AGBL1: variants seen among roughly 807,000 people sequenced by gnomAD.
AGBL1 encodes cytosolic carboxypeptidase 4.
AGBL1 carries 130 observed loss-of-function variants against 118.9 expected under a neutral mutation model. That is an observed-to-expected ratio of 1.09 (90% CI 0.95 to 1.26). AGBL1 has a LOEUF of 1.26. Among genes scored for constraint, AGBL1 ranks in the 50% most tolerant of loss-of-function variants. The pLI is 0.00. For missense variants in AGBL1, 1,584 were observed against 1,298.1 expected, an observed-to-expected ratio of 1.22 and a Z score of -3.38; for synonymous variants, 555 against 478.9, an observed-to-expected ratio of 1.16 and a Z score of -2.08.
intron 21 of AGBL1, among the ~76,000 whole-genome samples, chr15:86,562,641 G>A (rs1401035699): frequency 5.3e-5 from 8 of 152,128 alleles, no homozygotes; most frequent in South Asian, 4.1e-4. Context: ...TTGGTAGCAG[G>A]ATGATGCTGG....
chr15:86,327,964 A>G (rs970605263), intron 17 of AGBL1, among the ~76,000 whole-genome samples: 1 of 152,228 alleles, frequency 6.6e-6, no homozygotes, highest in Non-Finnish European at 1.5e-5. Flanking sequence ...TCCTGGCTTC[A>G]TAGTTATGTG....
At chr15:86,288,680 T>TA (rs1413680887) in intron 16 of AGBL1, among the ~76,000 whole-genome samples, 1 of 152,114 alleles carries the variant, frequency 6.6e-6, no homozygotes, top group African/African-American at 2.4e-5. Flanking sequence ...GAGAAAAAAT[T>TA]AAAAAATATT....
chr15:86,542,213 A>C (rs1395926084), intron 19 of AGBL1, among the ~76,000 whole-genome samples: 1 of 152,194 alleles, frequency 6.6e-6, no homozygotes, highest in Non-Finnish European at 1.5e-5. Flanking sequence ...AGAAATGTAT[A>C]CTGAGTTTAT....
chr15:86,633,490 C>T (rs1196104157), intron 21 of AGBL1, among the ~76,000 whole-genome samples: 2 of 152,030 alleles, frequency 1.3e-5, no homozygotes, highest in African/African-American at 2.4e-5. Flanking sequence ...ACTTAGAATG[C>T]TACATATATA....
chr15:86,517,503 A>T (rs1335933280), intron 18 of AGBL1, among the ~76,000 whole-genome samples: 1 of 152,230 alleles, frequency 6.6e-6, no homozygotes, highest in Non-Finnish European at 1.5e-5. Context: ...TTTCACAAAG[A>T]TGACATTTGA....
chr15:86,139,104 G>A (rs2076927386), intron 1 of AGBL1, among the ~76,000 whole-genome samples: 1 of 152,180 alleles, frequency 6.6e-6, no homozygotes, highest in South Asian at 2.1e-4. Flanking sequence ...TTCAGAGAAT[G>A]ATATCATCTA....
chr15:86,627,774 G>A (rs547312402), intron 21 of AGBL1, among the ~76,000 whole-genome samples: 7 of 152,328 alleles, frequency 4.6e-5, no homozygotes, highest in African/African-American at 1.7e-4. Flanking sequence ...AGCAGGGTCA[G>A]TAGTGGCAGG....
chr15:86,490,515 T>C (rs2082765310), intron 18 of AGBL1, among the ~76,000 whole-genome samples: 1 of 152,150 alleles, frequency 6.6e-6, no homozygotes, highest in South Asian at 2.1e-4. Context: ...TGGATGCTTA[T>C]TTACTTTGAT....
At chr15:86,421,258 T>C (rs2081785789) in intron 18 of AGBL1, among the ~76,000 whole-genome samples, 1 of 152,114 alleles carries the variant, frequency 6.6e-6, no homozygotes, top group African/African-American at 2.4e-5. Flanking sequence ...GATAACAGCA[T>C]ATCTCTCTAT....
intron 5 of AGBL1, among the ~76,000 whole-genome samples, chr15:86,182,815 C>A (rs918319588): frequency 1.3e-5 from 2 of 152,062 alleles, no homozygotes; most frequent in Admixed American, 6.5e-5. Context: ...ATAAAAGAAG[C>A]AAAAGGAAAC....
chr15:86,682,829 G>A (rs575237656), intron 22 of AGBL1, among the ~76,000 whole-genome samples: 1 of 152,096 alleles, frequency 6.6e-6, no homozygotes. Flanking sequence ...ACTAGATGCT[G>A]TGCTAAGCAT....
At chr15:86,338,500 G>C (rs1310857421) in intron 17 of AGBL1, among the ~76,000 whole-genome samples, 3 of 139,650 alleles carry the variant, frequency 2.1e-5, no homozygotes, top group Non-Finnish European at 4.6e-5. Context: ...AATTACTCTG[G>C]CTGTTATGAG....
intron 22 of AGBL1, among the ~76,000 whole-genome samples, chr15:86,899,918 A>C (rs935413452): frequency 5.3e-5 from 8 of 152,162 alleles, no homozygotes; most frequent in African/African-American, 1.2e-4. Flanking sequence ...ACCCACCCTC[A>C]ATCTGGGTGG....
chr15:86,461,791 C>G (rs1008750737), intron 18 of AGBL1, among the ~76,000 whole-genome samples: 1 of 151,942 alleles, frequency 6.6e-6, no homozygotes, highest in African/African-American at 2.4e-5. Context: ...TTTTCTTTCT[C>G]CTTCCCTTTG....
At chr15:86,194,940 C>A (rs912915692) in intron 5 of AGBL1, among the ~76,000 whole-genome samples, 3 of 152,206 alleles carry the variant, frequency 2.0e-5, no homozygotes, top group Non-Finnish European at 4.4e-5. Context: ...TACTGTCTGA[C>A]AAGTTCTCTT....
intron 2 of AGBL1, among the ~76,000 whole-genome samples, chr15:86,142,679 A>G (rs1391988047): frequency 6.6e-6 from 1 of 152,214 alleles, no homozygotes; most frequent in Non-Finnish European, 1.5e-5. Flanking sequence ...CCTCAGGATT[A>G]TGGTTTCAAG....
rs187594904 is a variant in AGBL1 at position 86,080,133 on chromosome 15, G to T, written c.51+110G>T. On this transcript the variant is annotated intron_variant, in intron 1 of 22. Coordinates refer to ENST00000614907, the MANE Select transcript of AGBL1 (RefSeq NM_001386094.1). Reference sequence around the variant, plus strand: ...CCTCTGGCAGTCACTGGCCCAGTTTGTTAACAGCAAGAGAACAGGAGTCGG... The same window carrying T: ...CCTCTGGCAGTCACTGGCCCAGTTTTTTAACAGCAAGAGAACAGGAGTCGG... 2.4e-4 allele frequency: 196 copies of T among 833,982 alleles called. 1 individual carries two copies. In the African/African-American group the frequency reaches 2.7e-3, roughly 12 times the overall value. The allele number at this position is 833,982 out of a possible 1,614,324, so 51.7% of individuals were successfully genotyped here.
intron 1 of AGBL1, 132 bp from the exon 2 acceptor site, chr15:86,141,872 T>C (rs1358373751): frequency 2.3e-6 from 2 of 888,814 alleles, no homozygotes; most frequent in Non-Finnish European, 3.4e-6. Flanking sequence ...TGAATCCCCT[T>C]GCCTGTCCTT....
chr15:86,221,240 T>C (rs916906434), intron 5 of AGBL1, among the ~76,000 whole-genome samples: 2 of 152,030 alleles, frequency 1.3e-5, no homozygotes, highest in Non-Finnish European at 2.9e-5. Context: ...TCCTATTCTA[T>C]AAAATCAGTG....
Sources: gnomAD v4.1 joint callset for allele counts (sites outside exome capture counted in the v4.1 genomes callset) on GRCh38, gnomAD v4.1.1 for gene constraint, MANE v1.5 for transcripts, NCBI Gene and HGNC (gene_info 2026-07-23, HGNC 2026-07-21) for gene names.